ZBTB20: variants seen among roughly 807,000 people sequenced by gnomAD.
ZBTB20 encodes the protein zinc finger and BTB domain containing 20, also known as zinc finger and BTB domain-containing protein 20.
ZBTB20 carries 9 observed loss-of-function variants against 56.9 expected under a neutral mutation model. That is an observed-to-expected ratio of 0.16 (90% CI 0.10 to 0.28). The LOEUF (loss-of-function observed/expected upper bound fraction) is 0.28, where lower values mean the gene tolerates loss of function less well. Among genes scored for constraint, ZBTB20 ranks in the 10% least tolerant of loss-of-function variants. The pLI is 1.00. For missense variants in ZBTB20, 655 were observed against 1,003.0 expected (o/e 0.65, Z 4.69); for synonymous variants, 417 against 420.7 (o/e 0.99, Z 0.11).
chr3:114,587,719 C>T (rs2055329273), intron 6 of ZBTB20, among the ~76,000 whole-genome samples: 1 of 152,180 alleles, frequency 6.6e-6, no homozygotes, highest in African/African-American at 2.4e-5. Context: ...GTACTCTTAA[C>T]CATAGAAGAA....
chr3:114,321,462 C>T lies in ZBTB20; in HGVS notation c.*17543G>A, dbSNP rs182570035. ...CTGGGTGGTTCTGGAGGGTCCCTCCCCTGCTATCACTGCCCACTGGCCCTT... is the reference window on the plus strand; with the variant it reads ...CTGGGTGGTTCTGGAGGGTCCCTCCTCTGCTATCACTGCCCACTGGCCCTT... On this transcript the variant is annotated 3_prime_UTR_variant, in exon 12 of 12. Transcript: ENST00000675478. 6.6e-6 allele frequency: 1 copy of T among 152,412 alleles called. No individual in the cohort carries two copies. The highest frequency in any genetic ancestry group is 1.9e-4 in the East Asian group (1 of 5,192). 9.4% of individuals were successfully genotyped at this position (152,412 alleles called of 1,614,324 possible).
In ZBTB20 at chr3:114,350,528, G is replaced by A. The variant is rs771120579; in HGVS notation, c.1550C>T (p.Ala517Val). ...GAGGAAAGGCTTGGGGCCACTGCCC[G>A]CGGGCTGGGTAGTGAAGAGGGCTGG... ...YLPALFTTQP[A>V]GSGPKPFLFS... Residue 517 changes from alanine to valine, a missense_variant, in exon 11 of 12, where the codon GCG becomes GTG. Transcript: ENST00000675478. 36 of 1,613,984 alleles carry A rather than the reference G, an allele frequency of 2.2e-5. No homozygotes were observed. Among genetic ancestry groups the A allele is most frequent in the Non-Finnish European group, 2.8e-5 (33 of 1,180,026 alleles).
intron 7 of ZBTB20, among the ~76,000 whole-genome samples, chr3:114,396,510 A>G (rs1246110942): frequency 2.0e-5 from 3 of 152,166 alleles, no homozygotes; most frequent in African/African-American, 4.8e-5. Flanking sequence ...TTATATTCCC[A>G]TTTTATAGAC....
At chr3:115,107,803 A>G (rs1209637418) in intron 1 of ZBTB20, among the ~76,000 whole-genome samples, 1 of 152,252 alleles carries the variant, frequency 6.6e-6, no homozygotes, top group Non-Finnish European at 1.5e-5. Flanking sequence ...ATGGAATACT[A>G]TGCAGCCATA....
At chr3:114,896,873 T>C (rs906038469) in intron 4 of ZBTB20, among the ~76,000 whole-genome samples, 3 of 152,100 alleles carry the variant, frequency 2.0e-5, no homozygotes, top group Non-Finnish European at 4.4e-5. Context: ...TATAATATCT[T>C]CTAAGGCCAG....
At chr3:114,504,033 G>T in intron 6 of ZBTB20, among the ~76,000 whole-genome samples, 1 of 152,050 alleles carries the variant, frequency 6.6e-6, no homozygotes, top group East Asian at 1.9e-4. Flanking sequence ...TAGGCAGACA[G>T]GGGAGAAAAA....
At chr3:114,684,587 C>A (rs1238783859) in intron 6 of ZBTB20, 5 of 152,110 alleles carry the variant, frequency 3.3e-5, no homozygotes, top group African/African-American at 1.2e-4. Context: ...GGTAACCCTG[C>A]CTGAGCAGCT....
intron 6 of ZBTB20, among the ~76,000 whole-genome samples, chr3:114,524,111 T>C (rs1239302763): frequency 1.3e-5 from 2 of 152,158 alleles, no homozygotes; most frequent in Non-Finnish European, 2.9e-5. Context: ...ATTAAAATCA[T>C]TGTCCATGGA....
At chr3:114,505,817 T>C (rs1489071055) in intron 6 of ZBTB20, among the ~76,000 whole-genome samples, 1 of 152,154 alleles carries the variant, frequency 6.6e-6, no homozygotes, top group Non-Finnish European at 1.5e-5. Flanking sequence ...CTCTCAAAAT[T>C]AAGTGCCTGT....
intron 6 of ZBTB20, among the ~76,000 whole-genome samples, chr3:114,630,975 T>G (rs926758371): frequency 1.3e-5 from 2 of 152,184 alleles, no homozygotes; most frequent in East Asian, 3.8e-4. Context: ...CTTTGCATAG[T>G]TAAGCAAATA....
intron 4 of ZBTB20, among the ~76,000 whole-genome samples, chr3:114,856,278 A>C (rs2107456006): frequency 6.6e-6 from 1 of 152,302 alleles, no homozygotes; most frequent in Middle Eastern, 3.4e-3. Context: ...GCCAGTTCTG[A>C]GGTAGTATTA....
intron 5 of ZBTB20, among the ~76,000 whole-genome samples, chr3:114,749,624 A>C (rs538613338): frequency 2.2e-5 from 3 of 138,570 alleles, no homozygotes; most frequent in South Asian, 2.2e-4. Context: ...AGGAAGGAAT[A>C]AATTGGCTAT....
intron 6 of ZBTB20, among the ~76,000 whole-genome samples, chr3:114,645,369 T>C (rs1304503365): frequency 1.3e-5 from 2 of 152,186 alleles, no homozygotes; most frequent in Non-Finnish European, 2.9e-5. Flanking sequence ...ACTGAAAGCA[T>C]TACTGGCAAA....
At chr3:114,401,189 T>C (rs1013823670) in intron 7 of ZBTB20, among the ~76,000 whole-genome samples, 6 of 142,006 alleles carry the variant, frequency 4.2e-5, no homozygotes, top group African/African-American at 1.7e-4. Context: ...GACAGCACAA[T>C]TGAATTTTTT....
chr3:114,911,799 G>A (rs902787576), intron 3 of ZBTB20, among the ~76,000 whole-genome samples: 7 of 151,848 alleles, frequency 4.6e-5, no homozygotes, highest in African/African-American at 1.7e-4. Flanking sequence ...ACAAAAATAT[G>A]AATTAGGAAT....
At chr3:114,712,167 T>C (rs2064128246) in intron 5 of ZBTB20, among the ~76,000 whole-genome samples, 2 of 152,304 alleles carry the variant, frequency 1.3e-5, no homozygotes. Context: ...TGTTTCTGTA[T>C]AAGACTTGAG....
chr3:114,812,541 G>A (rs768751852), intron 4 of ZBTB20, among the ~76,000 whole-genome samples: 18 of 152,252 alleles, frequency 1.2e-4, no homozygotes, highest in Non-Finnish European at 2.4e-4. Flanking sequence ...AGAGTAGCCA[G>A]ATATAGAGTG....
chr3:115,105,411 TAG>T (rs1215888706), intron 1 of ZBTB20, among the ~76,000 whole-genome samples: 1 of 152,166 alleles, frequency 6.6e-6, no homozygotes, highest in Non-Finnish European at 1.5e-5. Flanking sequence ...CTGTCTAGCT[TAG>T]AGTTTATGTG....
chr3:114,518,375 G>A (rs995434365), intron 6 of ZBTB20: 2 of 152,140 alleles, frequency 1.3e-5, no homozygotes, highest in Admixed American at 6.5e-5. Flanking sequence ...CACCCAAAAT[G>A]ATTAAAACAT....
Sources: allele counts gnomAD v4.1 joint callset (sites outside exome capture counted in the v4.1 genomes callset), GRCh38; gene constraint gnomAD v4.1.1; transcripts MANE v1.5; gene names NCBI Gene and HGNC (gene_info 2026-07-23, HGNC 2026-07-21).